PHF14: variants seen among roughly 807,000 people sequenced by gnomAD.
PHF14 encodes PHD finger protein 14.
PHF14 carries 55 observed loss-of-function variants against 117.9 expected under a neutral mutation model. The ratio of observed to expected loss-of-function variants is 0.47; its 90% CI spans 0.38 to 0.58. PHF14 has a LOEUF of 0.58. Ranked by LOEUF, PHF14 falls within the 20% of genes least tolerant of loss-of-function variation. The pLI is 0.00. For synonymous variants in PHF14, 409 were observed against 368.6 expected (o/e 1.11, Z -1.26); for missense variants, 978 against 1,122.2 (o/e 0.87, Z 1.84).
chr7:11,020,109 G>C (rs1362436694), intron 5 of PHF14, among the ~76,000 whole-genome samples: 1 of 151,230 alleles, frequency 6.6e-6, no homozygotes, highest in Non-Finnish European at 1.5e-5. Context: ...TTTCCAATCA[G>C]ACGGGGCCTG....
intron 14 of PHF14, among the ~76,000 whole-genome samples, chr7:11,054,319 G>A (rs1008146202): frequency 2.0e-5 from 3 of 152,092 alleles, no homozygotes; most frequent in Non-Finnish European, 4.4e-5. Flanking sequence ...GATTTCTTAG[G>A]TGCTACGCTT....
chr7:11,126,679 C>G (rs993260479), intron 17 of PHF14, among the ~76,000 whole-genome samples: 1 of 150,032 alleles, frequency 6.7e-6, no homozygotes, highest in African/African-American at 2.5e-5. Context: ...TGTTTATGTT[C>G]TTTTATCAAT....
intron 13 of PHF14, among the ~76,000 whole-genome samples, chr7:11,044,944 T>C (rs1386205919): frequency 1.3e-5 from 2 of 152,156 alleles, no homozygotes; most frequent in Non-Finnish European, 1.5e-5. Flanking sequence ...CCAATGAACA[T>C]TTTCTTTGAC....
rs1390768521 is a variant in PHF14, at chr7:11,062,730, G to C, written c.2654+645G>C. ...CACATTGGCTTTTCCCAACGGTCCA[G>C]AGGCTGCTAATTTTAGCGGAAATGA... On this transcript the variant is annotated intron_variant, in intron 16 of 17. Coordinates refer to ENST00000634607, the MANE Select transcript of PHF14 (RefSeq NM_001007157.2). 5 of 985,132 alleles carry C rather than the reference G, an allele frequency of 5.1e-6. 1 individual carries two copies. In the East Asian group the frequency reaches 5.7e-4, roughly 112 times the overall value. 61.0% of individuals were successfully genotyped at this position (985,132 alleles called of 1,614,324 possible).
rs1265713563 is a variant in PHF14, at chr7:11,169,602, A to T, written c.*112A>T. 2.1e-6 allele frequency: 1 copy of T among 485,060 alleles called. No homozygotes were observed. The highest frequency in any genetic ancestry group is 2.0e-5 in the African/African-American group (1 of 49,364). 30.0% of individuals were successfully genotyped at this position (485,060 alleles called of 1,614,324 possible). A position where few individuals can be genotyped will look rare whatever the true frequency, so the allele number is the denominator to read the frequency against. ...CTAATTTGCAAAATGTTCTCAATAAAGTCATTCAAAATGAAATAGGAGCTT... is the reference window on the plus strand; with the variant it reads ...CTAATTTGCAAAATGTTCTCAATAATGTCATTCAAAATGAAATAGGAGCTT... On this transcript the variant is annotated 3_prime_UTR_variant, in exon 18 of 18. Transcript: ENST00000634607.
At chr7:11,119,311 G>A (rs971356549) in intron 17 of PHF14, among the ~76,000 whole-genome samples, 4 of 151,414 alleles carry the variant, frequency 2.6e-5, no homozygotes, top group African/African-American at 9.7e-5. Flanking sequence ...ATTTTATTAC[G>A]GCTTTACAAA....
At chr7:10,985,954 C>T (rs1562562091) in intron 3 of PHF14, among the ~76,000 whole-genome samples, 1 of 151,858 alleles carries the variant, frequency 6.6e-6, no homozygotes, top group Admixed American at 6.6e-5. Context: ...CACCTGGTCT[C>T]ATTTTAAAAT....
chr7:11,080,317 A>G (rs1331969961), intron 16 of PHF14, among the ~76,000 whole-genome samples: 1 of 152,180 alleles, frequency 6.6e-6, no homozygotes, highest in Non-Finnish European at 1.5e-5. Context: ...ACTTGTTAAC[A>G]TCTCACTTTA....
chr7:11,015,745 C>G (rs1469799564), intron 5 of PHF14, among the ~76,000 whole-genome samples: 2 of 151,816 alleles, frequency 1.3e-5, no homozygotes, highest in African/African-American at 2.4e-5. Context: ...GCCGTTACTG[C>G]TGCTACTAGT....
In PHF14 at chr7:11,057,876, T is replaced by TAA. The variant is rs11384468; in HGVS notation, c.2482-3908_2482-3907dup. ...TTGTTCCCTAGCTAAATCAAGTTCT[T>TAA]AAAAAAAAGAAAAACAAAAAATTGG... On this transcript the variant is annotated intron_variant, in intron 14 of 17. Transcript: ENST00000634607. 6.6e-5 allele frequency among the ~76,000 whole-genome samples: 10 copies of TAA among 151,572 alleles called. 1 individual carries two copies. The highest frequency in any genetic ancestry group is 1.9e-4 in the African/African-American group (8 of 41,270).
chr7:11,029,716 G>A (rs906365693), intron 7 of PHF14, among the ~76,000 whole-genome samples: 4 of 152,082 alleles, frequency 2.6e-5, no homozygotes, highest in Non-Finnish European at 4.4e-5. Context: ...GGAGTCCTCA[G>A]TAATTTTTAA....
intron 5 of PHF14, among the ~76,000 whole-genome samples, chr7:11,022,190 T>C (rs925691576): frequency 1.3e-5 from 2 of 152,302 alleles, no homozygotes; most frequent in East Asian, 3.9e-4. Context: ...GTTTTAGTCT[T>C]ATAGCATCAT....
intron 9 of PHF14, 32 bp downstream of exon 9, chr7:11,036,720 C>T (rs1325167388): frequency 1.3e-6 from 2 of 1,571,586 alleles, no homozygotes; most frequent in South Asian, 1.1e-5. Flanking sequence ...TGCACATTTT[C>T]ACTGAGAACA....
chr7:11,008,798 G>A (rs1025778401), intron 4 of PHF14, among the ~76,000 whole-genome samples: 4 of 152,088 alleles, frequency 2.6e-5, no homozygotes, highest in Non-Finnish European at 5.9e-5. Flanking sequence ...CACTTTGGGA[G>A]GCTGAGGTGG....
At chr7:11,107,109 A>C in intron 16 of PHF14, 1 of 983,322 alleles carries the variant, frequency 1.0e-6, no homozygotes, top group Non-Finnish European at 1.2e-6. Flanking sequence ...TACTCCTCTA[A>C]TGAAATTAGA....
At chr7:11,024,262 G>T (rs1783834657) in intron 6 of PHF14, among the ~76,000 whole-genome samples, 1 of 152,170 alleles carries the variant, frequency 6.6e-6, no homozygotes, top group African/African-American at 2.4e-5. Flanking sequence ...GGTAGCAGAG[G>T]TTGGTTCATG....
At position 11,107,685 on chromosome 7, in the gene PHF14, A is replaced by G. The variant is rs552714809; in HGVS notation, c.2655-3665A>G. 1.7e-4 allele frequency: 114 copies of G among 673,686 alleles called. No homozygotes were observed. The African/African-American group carries it at 2.0e-3, about 12-fold the overall frequency. 41.7% of individuals were successfully genotyped at this position (673,686 alleles called of 1,614,324 possible). ...TATTTAATAATGTGCTATTCGTATA[A>G]TAATCTGTTTTTATTACATAGACAT... On this transcript the variant is annotated intron_variant, in intron 16 of 17. Coordinates refer to ENST00000634607, the MANE Select transcript of PHF14 (RefSeq NM_001007157.2).
chr7:10,975,051 A>G (rs1055283261), intron 2 of PHF14, 106 bp downstream of exon 2: 3 of 681,912 alleles, frequency 4.4e-6, no homozygotes, highest in African/African-American at 1.8e-5. Context: ...AAGTGAAAGC[A>G]CGTAAACTTC....
At chr7:11,075,105 T>G (rs1170547084) in intron 16 of PHF14, among the ~76,000 whole-genome samples, 2 of 151,906 alleles carry the variant, frequency 1.3e-5, no homozygotes, top group African/African-American at 4.8e-5. Flanking sequence ...ACCTGGCTAA[T>G]TTTTTGTATT....
Sources: allele counts gnomAD v4.1 joint callset (sites outside exome capture counted in the v4.1 genomes callset), GRCh38; gene constraint gnomAD v4.1.1; transcripts MANE v1.5; gene names NCBI Gene and HGNC (gene_info 2026-07-23, HGNC 2026-07-21).